The following NRXN1 variants were observed in gnomAD, a reference collection of about 807,000 sequenced individuals.
NRXN1 encodes the protein neurexin 1.
NRXN1 carries 39 observed loss-of-function variants against 150.9 expected under a neutral mutation model. The ratio of observed to expected loss-of-function variants is 0.26; its 90% CI spans 0.20 to 0.34. The LOEUF (loss-of-function observed/expected upper bound fraction) is 0.34. Ranked by LOEUF, NRXN1 falls within the 10% of genes least tolerant of loss-of-function variation. The pLI, the probability that NRXN1 is intolerant of heterozygous loss-of-function variation, is 1.00. For missense variants in NRXN1, 1,815 were observed against 1,949.9 expected (o/e 0.93, Z 1.30); for synonymous variants, 924 against 757.0 (o/e 1.22, Z -3.62).
chr2:50,707,447 A>G (rs975626688), intron 5 of NRXN1, among the ~76,000 whole-genome samples: 6 of 152,176 alleles, frequency 3.9e-5, no homozygotes, highest in African/African-American at 1.4e-4. Context: ...GATTCCTTTC[A>G]GGCAGTTCTG....
intron 18 of NRXN1, among the ~76,000 whole-genome samples, chr2:50,121,610 C>G (rs1254237653): frequency 6.6e-6 from 1 of 152,170 alleles, no homozygotes; most frequent in Non-Finnish European, 1.5e-5. Flanking sequence ...GGAGGAACAA[C>G]TGTACCTTAT....
intron 5 of NRXN1, among the ~76,000 whole-genome samples, chr2:50,790,436 A>G (rs1705777099): frequency 6.6e-6 from 1 of 152,128 alleles, no homozygotes; most frequent in East Asian, 1.9e-4. Context: ...ACTCCTCTCT[A>G]CATAAACATA....
chr2:50,797,713 A>C (rs1022199775), intron 5 of NRXN1, among the ~76,000 whole-genome samples: 2 of 152,174 alleles, frequency 1.3e-5, no homozygotes, highest in Non-Finnish European at 1.5e-5. Context: ...TAATTTATGC[A>C]AGGTACCTAT....
intron 17 of NRXN1, among the ~76,000 whole-genome samples, chr2:50,405,077 G>C (rs569930049): frequency 6.6e-6 from 1 of 152,210 alleles, no homozygotes; most frequent in Non-Finnish European, 1.5e-5. Flanking sequence ...GCTTAAAAAT[G>C]ACAAGGTGTG....
At chr2:50,984,312 T>G (rs1457135602) in intron 2 of NRXN1, among the ~76,000 whole-genome samples, 1 of 151,696 alleles carries the variant, frequency 6.6e-6, no homozygotes, top group African/African-American at 2.4e-5. Context: ...GTCCTGTTTT[T>G]GTATGACTCT....
chr2:50,291,320 T>C (rs1047378050), intron 17 of NRXN1, among the ~76,000 whole-genome samples: 1 of 152,186 alleles, frequency 6.6e-6, no homozygotes, highest in African/African-American at 2.4e-5. Context: ...CGCATAACTA[T>C]TTTAAAACGA....
chr2:50,750,224 T>G (rs1700439016), intron 5 of NRXN1, among the ~76,000 whole-genome samples: 1 of 152,056 alleles, frequency 6.6e-6, no homozygotes, highest in South Asian at 2.1e-4. Flanking sequence ...TCACATAATT[T>G]GTCACATAGC....
intron 17 of NRXN1, among the ~76,000 whole-genome samples, chr2:50,401,628 T>C (rs2082398349): frequency 6.6e-6 from 1 of 152,098 alleles, no homozygotes; most frequent in African/African-American, 2.4e-5. Flanking sequence ...TAATTGGTTA[T>C]ATTAATAGCT....
chr2:50,486,171 C>T (rs2090859114), intron 15 of NRXN1, among the ~76,000 whole-genome samples: 3 of 152,114 alleles, frequency 2.0e-5, no homozygotes, highest in South Asian at 2.1e-4. Context: ...CACATTAGGA[C>T]ATCATACTTA....
At chr2:50,425,759 T>A (rs1157828933) in intron 17 of NRXN1, among the ~76,000 whole-genome samples, 1 of 152,190 alleles carries the variant, frequency 6.6e-6, no homozygotes, top group African/African-American at 2.4e-5. Flanking sequence ...AGAAGCATGA[T>A]GCCTTTGAGA....
At position 50,026,859 on chromosome 2, in the gene NRXN1, C is replaced by CTTTT. The variant is rs57580154; in HGVS notation, c.4128+26408_4128+26411dup. On this transcript the variant is annotated intron_variant, in intron 21 of 22. Transcript: ENST00000401669. ...TTGCATTGTTTAAGTCTTTTCTTTTCTTTTTTTTTTTTTTTTTTTTTTTTT... is the reference window on the plus strand; with the variant it reads ...TTGCATTGTTTAAGTCTTTTCTTTTCTTTTTTTTTTTTTTTTTTTTTTTTTTTTT... 3.3e-3 allele frequency among the ~76,000 whole-genome samples: 218 copies of CTTTT among 65,218 alleles called. 32 individuals are homozygous for CTTTT. The highest frequency in any genetic ancestry group is 4.3e-3 in the East Asian group (7 of 1,634). The allele number at this position is 65,218 out of a possible 152,430, so 42.8% of individuals were successfully genotyped here. A position where few individuals can be genotyped will look rare whatever the true frequency, so the allele number is the denominator to read the frequency against.
intron 21 of NRXN1, among the ~76,000 whole-genome samples, chr2:50,024,530 A>G (rs1173249215): frequency 6.6e-6 from 1 of 152,142 alleles, no homozygotes; most frequent in Non-Finnish European, 1.5e-5. Context: ...CTTTAAATCA[A>G]TTATGGCTGT....
intron 2 of NRXN1, among the ~76,000 whole-genome samples, chr2:50,992,262 G>A (rs1698645488): frequency 6.6e-6 from 1 of 151,998 alleles, no homozygotes; most frequent in Admixed American, 6.6e-5. Context: ...AAGTAGATAT[G>A]AGCATTACCC....
chr2:50,197,755 T>C (rs2061870565), intron 18 of NRXN1, among the ~76,000 whole-genome samples: 1 of 152,106 alleles, frequency 6.6e-6, no homozygotes, highest in Admixed American at 6.6e-5. Flanking sequence ...ACAATTCTCC[T>C]CTGAGATTTT....
Position 50,125,982 on chromosome 2 carries a change from C to G in NRXN1, c.3547-34488G>C, listed in dbSNP as rs553322411. 4.6e-5 allele frequency among the ~76,000 whole-genome samples: 7 copies of G among 152,086 alleles called. No homozygotes were observed. In the East Asian group the frequency reaches 1.4e-3, roughly 29 times the overall value. Reference sequence around the variant, plus strand: ...GTAACTTATACGTGACCTGTTTACTCCATTAGGAAATATGCTGTTTTATTC... The same window carrying G: ...GTAACTTATACGTGACCTGTTTACTGCATTAGGAAATATGCTGTTTTATTC... On this transcript the variant is annotated intron_variant, in intron 18 of 22. Transcript: ENST00000401669.
chr2:50,923,811 TTTAAA>T (rs1261277138), intron 3 of NRXN1, among the ~76,000 whole-genome samples: 1 of 151,854 alleles, frequency 6.6e-6, no homozygotes, highest in Admixed American at 6.6e-5. Context: ...TTCATCAGTA[TTTAAA>T]TTATCTGTGT....
intron 2 of NRXN1, among the ~76,000 whole-genome samples, chr2:50,999,144 TTTG>T (rs1461486921): frequency 6.6e-6 from 1 of 152,076 alleles, no homozygotes; most frequent in Admixed American, 6.6e-5. Flanking sequence ...CTCTATGCAA[TTTG>T]TTAACATGGT....
intron 19 of NRXN1, among the ~76,000 whole-genome samples, chr2:50,070,495 A>G (rs7566229): frequency 0.68 from 103,842 of 151,810 alleles, 36,364 homozygotes; most frequent in African/African-American, 0.83. Context: ...AGTGGGCCAG[A>G]CACGGTGGCT....
intron 5 of NRXN1, among the ~76,000 whole-genome samples, chr2:50,689,258 T>G (rs1233352188): frequency 2.0e-5 from 3 of 152,126 alleles, no homozygotes; most frequent in Non-Finnish European, 4.4e-5. Context: ...TTCAGAAATG[T>G]TGGAAGCCAA....
Sources: gnomAD v4.1 joint callset for allele counts (sites outside exome capture counted in the v4.1 genomes callset) on GRCh38, gnomAD v4.1.1 for gene constraint, MANE v1.5 for transcripts, NCBI Gene and HGNC (gene_info 2026-07-23, HGNC 2026-07-21) for gene names.